Variants in PAK6 observed in about 807,000 individuals in gnomAD.
PAK6 encodes p21 (RAC1) activated kinase 6, also known as serine/threonine-protein kinase PAK 6.
Under a neutral mutation model 60.8 loss-of-function variants are expected in PAK6, and 33 were observed. The observed-to-expected ratio is 0.54, with a 90% CI of 0.41 to 0.73. The LOEUF (loss-of-function observed/expected upper bound fraction) is 0.73, where lower values mean the gene tolerates loss of function less well. Among genes scored for constraint, PAK6 ranks in the 30% least tolerant of loss-of-function variants. The pLI is 0.00. For synonymous variants in PAK6, 404 were observed against 378.5 expected, an observed-to-expected ratio of 1.07 and a Z score of -0.78; for missense variants, 845 against 904.1, an observed-to-expected ratio of 0.93 and a Z score of 0.84.
intron 2 of PAK6, chr15:40,251,318 C>T (rs1266091022): frequency 2.0e-5 from 3 of 152,178 alleles, no homozygotes; most frequent in South Asian, 2.1e-4. Context: ...CTAGGAAAGC[C>T]GAGGGCATTG....
intron 5 of PAK6, chr15:40,266,696 T>A (rs2039148434): frequency 1.9e-6 from 1 of 513,256 alleles, no homozygotes; most frequent in Admixed American, 3.7e-5. Flanking sequence ...CCTTCTTTTC[T>A]CTGTGGCTGT....
At chr15:40,262,901 C>T (rs965668965) in intron 3 of PAK6, among the ~76,000 whole-genome samples, 5 of 152,130 alleles carry the variant, frequency 3.3e-5, no homozygotes, top group Non-Finnish European at 7.3e-5. Context: ...GTGGGAGACT[C>T]CCTACAACTC....
chr15:40,252,879 C>A (rs1410443795), intron 2 of PAK6: 2 of 1,238,440 alleles, frequency 1.6e-6, no homozygotes, highest in Non-Finnish European at 2.1e-6. Context: ...GCCCGCCCGG[C>A]GCGGGGCATT....
At chr15:40,241,061 G>A (rs1252787200) in intron 2 of PAK6, among the ~76,000 whole-genome samples, 1 of 152,196 alleles carries the variant, frequency 6.6e-6, no homozygotes, top group Admixed American at 6.5e-5. Flanking sequence ...CAGGCTCCAA[G>A]TCACACCCTT....
chr15:40,261,178 G>A (rs959438520), intron 3 of PAK6, among the ~76,000 whole-genome samples: 18 of 149,446 alleles, frequency 1.2e-4, no homozygotes, highest in Middle Eastern at 3.4e-3. Flanking sequence ...GTGAGCCACC[G>A]CGCCTGGCCC....
intron 3 of PAK6, chr15:40,259,673 G>C (rs2038931990): frequency 6.8e-6 from 1 of 148,138 alleles, no homozygotes; most frequent in South Asian, 2.1e-4. Context: ...TATAGTCTCA[G>C]CTACTTGGGA....
At chr15:40,247,603 G>A (rs2038529240) in intron 2 of PAK6, among the ~76,000 whole-genome samples, 1 of 152,166 alleles carries the variant, frequency 6.6e-6, no homozygotes, top group African/African-American at 2.4e-5. Flanking sequence ...GCCTAGTACA[G>A]ATGCAGAACC....
At chr15:40,272,144 G>C in intron 5 of PAK6, 80 bp from the exon 6 acceptor site, 8 of 1,501,622 alleles carry the variant, frequency 5.3e-6, no homozygotes, top group Non-Finnish European at 7.2e-6. Context: ...CAGAGGTCAC[G>C]GCGGCCAGCC....
At chr15:40,262,440 G>T (rs2039007600) in intron 3 of PAK6, among the ~76,000 whole-genome samples, 1 of 152,160 alleles carries the variant, frequency 6.6e-6, no homozygotes, top group Non-Finnish European at 1.5e-5. Context: ...GGAGGTGGAG[G>T]TTGCAGTGAG....
intron 2 of PAK6, 154 bp from the exon 3 acceptor site, chr15:40,253,024 G>C (rs1183568623): frequency 2.5e-6 from 1 of 407,514 alleles, no homozygotes; most frequent in Admixed American, 3.6e-5. Context: ...CGTAAGCCCC[G>C]CAAGGAGCCT....
chr15:40,273,078 T>C, intron 7 of PAK6, 79 bp downstream of exon 7: 1 of 1,549,684 alleles, frequency 6.5e-7, no homozygotes. Context: ...GTCTTCTGCC[T>C]GTGGCCCAGA....
At chr15:40,252,414 T>G (rs761049600) in intron 2 of PAK6, 31 of 1,350,998 alleles carry the variant, frequency 2.3e-5, no homozygotes, top group Non-Finnish European at 2.7e-5. Context: ...GCCAAGCAGG[T>G]GGAGAGAAAG....
rs2039142371 is a variant in PAK6 at position 40,266,499 on chromosome 15, A to C, written c.858+4A>C. The C allele has an allele frequency of 1.9e-6, 3 of 1,591,990 alleles. No individual in the cohort carries two copies. The South Asian group carries it at 3.5e-5, about 18-fold the overall frequency. On this transcript the variant is annotated splice_donor_region_variant and intron_variant, in intron 5 of 10. Coordinates refer to ENST00000560346, the Ensembl canonical transcript of PAK6. ...AGGCCCTCCACCACAGAGCAAGGTA[A>C]GTCAGGAGCCTGGCCTGCAGGTGTC...
chr15:40,271,252 G>A (rs1377663740), intron 5 of PAK6, among the ~76,000 whole-genome samples: 1 of 152,242 alleles, frequency 6.6e-6, no homozygotes. Context: ...CTGTCAGAAA[G>A]AGCAGAAGGG....
intron 2 of PAK6, among the ~76,000 whole-genome samples, chr15:40,248,889 A>G (rs918940666): frequency 3.3e-5 from 5 of 152,188 alleles, no homozygotes; most frequent in Non-Finnish European, 7.3e-5. Context: ...AGTTGAGAGA[A>G]CCAGCTTTGG....
chr15:40,275,786 GA>G (rs1329872628), intron 10 of PAK6, 140 bp from the exon 11 acceptor site: 3 of 735,594 alleles, frequency 4.1e-6, no homozygotes, highest in Non-Finnish European at 6.9e-6. Flanking sequence ...TGAGAGCCTT[GA>G]GGGGGTGGGG....
At chr15:40,262,518 C>CAACAACAACA (rs2039010008) in intron 3 of PAK6, among the ~76,000 whole-genome samples, 2 of 137,568 alleles carry the variant, frequency 1.5e-5, no homozygotes, top group Admixed American at 7.7e-5. Flanking sequence ...AAAACAACAA[C>CAACAACAACA]AACAACAACA....
chr15:40,252,345 A>G, intron 2 of PAK6: 3 of 1,290,848 alleles, frequency 2.3e-6, no homozygotes, highest in Non-Finnish European at 3.0e-6. Flanking sequence ...AGCCGCAGGC[A>G]GGTCCCCGCG....
chr15:40,247,714 C>T (rs1481515988), intron 2 of PAK6, among the ~76,000 whole-genome samples: 1 of 152,162 alleles, frequency 6.6e-6, no homozygotes, highest in African/African-American at 2.4e-5. Context: ...GACCCATGGA[C>T]TTTTCCAAAA....
Sources: gnomAD v4.1 joint callset for allele counts (sites outside exome capture counted in the v4.1 genomes callset) on GRCh38, gnomAD v4.1.1 for gene constraint, MANE v1.5 for transcripts, NCBI Gene and HGNC (gene_info 2026-07-23, HGNC 2026-07-21) for gene names.